Variants in BTBD9 observed in about 807,000 individuals in gnomAD.
BTBD9 encodes BTB/POZ domain-containing protein 9.
Under a neutral mutation model 64.3 loss-of-function variants are expected in BTBD9, and 49 were observed. That is an observed-to-expected ratio of 0.76 (90% CI 0.61 to 0.97). The LOEUF (loss-of-function observed/expected upper bound fraction) is 0.97. BTBD9 is among the 50% of genes least tolerant of loss of function. The probability of loss-of-function intolerance (pLI) is 0.00; values close to 1 mark genes in which losing one functional copy is unlikely to be tolerated. For missense variants in BTBD9, 598 were observed against 762.1 expected (o/e 0.78, Z 2.53); for synonymous variants, 260 against 274.7 (o/e 0.95, Z 0.53).
intron 9 of BTBD9, among the ~76,000 whole-genome samples, chr6:38,205,771 C>G (rs1762618943): frequency 1.3e-5 from 2 of 151,084 alleles, no homozygotes; most frequent in South Asian, 2.1e-4. Context: ...GTACTCCAAG[C>G]TACTCAGGAG....
chr6:38,327,094 G>A (rs1763468758), intron 7 of BTBD9, among the ~76,000 whole-genome samples: 1 of 151,980 alleles, frequency 6.6e-6, no homozygotes, highest in East Asian at 1.9e-4. Flanking sequence ...TGAGCACTAG[G>A]TAGTTTTTAT....
At chr6:38,437,741 A>G (rs944356613) in intron 6 of BTBD9, among the ~76,000 whole-genome samples, 4 of 152,224 alleles carry the variant, frequency 2.6e-5, no homozygotes, top group African/African-American at 7.2e-5. Context: ...GTTGAAGATT[A>G]TACTGAAATG....
chr6:38,324,537 A>C (rs977969614), intron 7 of BTBD9, among the ~76,000 whole-genome samples: 1 of 152,158 alleles, frequency 6.6e-6, no homozygotes, highest in African/African-American at 2.4e-5. Context: ...GGGCCTGCTG[A>C]GCAGACAGAC....
intron 6 of BTBD9, among the ~76,000 whole-genome samples, chr6:38,374,284 T>TATATATATATACAC (rs1562095081): frequency 2.4e-4 from 14 of 58,192 alleles, no homozygotes; most frequent in African/African-American, 2.2e-3. Flanking sequence ...AAAAAAAAAG[T>TATATATATATACAC]ATATATATAT....
chr6:38,336,578 A>G (rs991474077), intron 7 of BTBD9, among the ~76,000 whole-genome samples: 2 of 152,124 alleles, frequency 1.3e-5, no homozygotes, highest in African/African-American at 4.8e-5. Flanking sequence ...AACTGCCCCC[A>G]TGATTCAATT....
intron 6 of BTBD9, among the ~76,000 whole-genome samples, chr6:38,432,185 G>C (rs1226995090): frequency 6.6e-6 from 1 of 151,904 alleles, no homozygotes; most frequent in Non-Finnish European, 1.5e-5. Context: ...GTTATGATGT[G>C]GTAAAAAAGC....
At chr6:38,630,751 T>C (rs1357716005) in intron 1 of BTBD9, among the ~76,000 whole-genome samples, 2 of 152,214 alleles carry the variant, frequency 1.3e-5, no homozygotes, top group African/African-American at 4.8e-5. Context: ...CTGCAATATG[T>C]TCTGAAAAGG....
chr6:38,584,484 AC>A (rs1193135446), intron 4 of BTBD9, among the ~76,000 whole-genome samples: 3 of 152,206 alleles, frequency 2.0e-5, no homozygotes, highest in Non-Finnish European at 4.4e-5. Flanking sequence ...AGCAGAATGT[AC>A]CCCTAGCTAC....
chr6:38,175,079 T>C lies in BTBD9; in HGVS notation c.1745A>G (p.Gln582Arg). Reference sequence around the variant, plus strand: ...CGCCCGCAGCGCATGGGAGTCGAGCTGCTGACCGGCCAGGCTGGTGTCCCC... The same window carrying C: ...CGCCCGCAGCGCATGGGAGTCGAGCCGCTGACCGGCCAGGCTGGTGTCCCC... ...GTGDTSLAGQ[Q>R]LDSHALRAPS... The change falls in exon 11 of 11, where the codon CAG becomes CGG. Residue 582 changes from glutamine (Q) to arginine (R), a missense_variant. By Grantham distance (43) the Gln-to-Arg change is conservative. Transcript: ENST00000481247. The C allele has an allele frequency of 1.2e-6, 2 of 1,614,256 alleles. No homozygotes were observed. Among genetic ancestry groups the C allele is most frequent in the East Asian group, 4.5e-5 (2 of 44,880 alleles).
At position 38,603,344 on chromosome 6, in the gene BTBD9, A is replaced by C. The variant is rs1329224841; in HGVS notation, c.-27-5223T>G. On this transcript the variant is annotated intron_variant, in intron 1 of 10. Coordinates refer to ENST00000481247, the MANE Select transcript of BTBD9 (RefSeq NM_001099272.2). ...GAATTCAAATGCACTAAAAATCAAA[A>C]ATGACTAAAGCAGCAGTACTAAAGT... 2.0e-5 allele frequency among the ~76,000 whole-genome samples: 3 copies of C among 152,306 alleles called. No individual in the cohort carries two copies. The South Asian group carries it at 6.2e-4, about 32-fold the overall frequency.
At chr6:38,497,382 C>T (rs987953919) in intron 6 of BTBD9, among the ~76,000 whole-genome samples, 1 of 152,132 alleles carries the variant, frequency 6.6e-6, no homozygotes, top group African/African-American at 2.4e-5. Context: ...CAAGGATACA[C>T]TTTTTTTCCC....
chr6:38,631,261 T>C (rs943520136), intron 1 of BTBD9, among the ~76,000 whole-genome samples: 1 of 152,198 alleles, frequency 6.6e-6, no homozygotes, highest in African/African-American at 2.4e-5. Flanking sequence ...ACCATGAATA[T>C]ACAAGTCAGA....
At chr6:38,240,108 T>C (rs911276566) in intron 9 of BTBD9, among the ~76,000 whole-genome samples, 4 of 152,210 alleles carry the variant, frequency 2.6e-5, no homozygotes, top group Non-Finnish European at 5.9e-5. Context: ...TGAACTTCCC[T>C]CCAGCAGGCT....
Position 38,205,891 on chromosome 6 carries a change from AG to A in BTBD9, c.1563-13295del, listed in dbSNP as rs1267963992. Among the ~76,000 whole-genome samples the A allele has an allele frequency of 4.0e-3, 575 of 144,562 alleles. 80 individuals carry two copies. Among genetic ancestry groups the A allele is most frequent in the South Asian group, 5.8e-3 (26 of 4,486 alleles). The allele number at this position is 144,562 out of a possible 152,430, so 94.8% of individuals were successfully genotyped here. A position where few individuals can be genotyped will look rare whatever the true frequency, so the allele number is the denominator to read the frequency against. ...CAGGAGTCTGTCTCAAAAAAAAAAA[AG>A]AAAGAAAGAAAGAAAGGAAGTTATG... On this transcript the variant is annotated intron_variant, in intron 9 of 10. Transcript: ENST00000481247.
At position 38,407,265 on chromosome 6, in the gene BTBD9, G is replaced by T. The variant is rs547958594; in HGVS notation, c.1155-62172C>A. Among the ~76,000 whole-genome samples, 13 of 152,304 alleles carry T rather than the reference G, an allele frequency of 8.5e-5. No homozygotes were observed. The South Asian group carries it at 2.7e-3, about 32-fold the overall frequency. On this transcript the variant is annotated intron_variant, in intron 6 of 10. Coordinates refer to ENST00000481247, the MANE Select transcript of BTBD9 (RefSeq NM_001099272.2). ...AAAATTGCCAGAGATTAAGCAATGA[G>T]TTGTTTTCAATAAATTCTAACTTTT...
chr6:38,416,165 A>G (rs1453414740), intron 6 of BTBD9, among the ~76,000 whole-genome samples: 1 of 152,170 alleles, frequency 6.6e-6, no homozygotes, highest in Non-Finnish European at 1.5e-5. Context: ...GTAGGGTGGA[A>G]TGAAAGCCCC....
At chr6:38,444,019 CTCT>C (rs1769159497) in intron 6 of BTBD9, among the ~76,000 whole-genome samples, 1 of 152,150 alleles carries the variant, frequency 6.6e-6, no homozygotes, top group African/African-American at 2.4e-5. Flanking sequence ...TCACTGTGCT[CTCT>C]TCTTAACAGG....
chr6:38,430,209 A>G (rs1205590634), intron 6 of BTBD9, among the ~76,000 whole-genome samples: 1 of 151,822 alleles, frequency 6.6e-6, no homozygotes, highest in Non-Finnish European at 1.5e-5. Flanking sequence ...ATGTGGCTTT[A>G]AACTTTTTTA....
At chr6:38,505,224 C>G (rs1345429636) in intron 6 of BTBD9, among the ~76,000 whole-genome samples, 1 of 152,166 alleles carries the variant, frequency 6.6e-6, no homozygotes, top group African/African-American at 2.4e-5. Context: ...TGGCTTTAAG[C>G]AAATCTACAT....
Sources: gnomAD v4.1 joint callset for allele counts (sites outside exome capture counted in the v4.1 genomes callset) on GRCh38, gnomAD v4.1.1 for gene constraint, MANE v1.5 for transcripts, NCBI Gene and HGNC (gene_info 2026-07-23, HGNC 2026-07-21) for gene names.